Variants in WDPCP observed in about 807,000 individuals in gnomAD.
WDPCP encodes WD repeat-containing and planar cell polarity effector protein fritz homolog.
Under a neutral mutation model 93.1 loss-of-function variants are expected in WDPCP, and 71 were observed. That is an observed-to-expected ratio of 0.76 (90% confidence interval 0.63 to 0.93). The LOEUF is 0.93. Ranked by LOEUF, WDPCP falls within the 40% of genes least tolerant of loss-of-function variation. WDPCP has a pLI of 0.00. For missense variants in WDPCP, 844 were observed against 887.4 expected (o/e 0.95, Z 0.62); for synonymous variants, 315 against 315.0 (o/e 1.00, Z 0.00).
intron 1 of WDPCP, among the ~76,000 whole-genome samples, chr2:63,587,384 G>A (rs1327557294): frequency 6.6e-6 from 1 of 152,134 alleles, no homozygotes; most frequent in Non-Finnish European, 1.5e-5. Flanking sequence ...AGAGCCAAAT[G>A]AATAAAGAGA....
intron 2 of WDPCP, among the ~76,000 whole-genome samples, chr2:63,809,433 G>A (rs1228603480): frequency 5.9e-5 from 9 of 152,148 alleles, no homozygotes; most frequent in Non-Finnish European, 4.4e-5. Flanking sequence ...CATTGAGAAC[G>A]GGCCATGATG....
intron 2 of WDPCP, among the ~76,000 whole-genome samples, chr2:63,662,038 T>A (rs1166333549): frequency 6.6e-6 from 1 of 152,180 alleles, no homozygotes; most frequent in Non-Finnish European, 1.5e-5. Flanking sequence ...CTTAAAATGA[T>A]GAAATTGGAA....
intron 9 of WDPCP, 99 bp downstream of exon 9, chr2:63,433,639 CATAAATT>C: frequency 8.4e-7 from 1 of 1,191,962 alleles, no homozygotes; most frequent in Non-Finnish European, 1.2e-6. Flanking sequence ...ATTTGAAAAA[CATAAATT>C]ATAGGTAAAA....
intron 2 of WDPCP, among the ~76,000 whole-genome samples, chr2:63,691,236 C>T (rs1274338363): frequency 6.6e-6 from 1 of 152,134 alleles, no homozygotes; most frequent in Non-Finnish European, 1.5e-5. Context: ...GGATCTGAAA[C>T]ATCAGGATGT....
rs980176783 is a variant in WDPCP at position 63,267,393 on chromosome 2, G to A, written c.1813-7984C>T. Among the ~76,000 whole-genome samples the A allele has an allele frequency of 7.2e-5, 11 of 152,122 alleles. 1 individual carries two copies. In the South Asian group the frequency reaches 1.9e-3, roughly 26 times the overall value. Reference sequence around the variant, plus strand: ...TTAAGCACAAGACTTGAAACTTGAGGAGGAGGGAAAAACTCCTCAACATTT... The same window carrying A: ...TTAAGCACAAGACTTGAAACTTGAGAAGGAGGGAAAAACTCCTCAACATTT... On this transcript the variant is annotated intron_variant, in intron 13 of 17. Coordinates refer to ENST00000272321, the MANE Select transcript of WDPCP (RefSeq NM_015910.7).
intron 14 of WDPCP, among the ~76,000 whole-genome samples, chr2:63,177,961 TTG>T: frequency 6.6e-6 from 1 of 152,144 alleles, no homozygotes; most frequent in East Asian, 1.9e-4. Context: ...AAATGCTTTT[TTG>T]TGTGTGTATC....
intron 12 of WDPCP, among the ~76,000 whole-genome samples, chr2:63,327,918 T>C (rs1687683148): frequency 6.6e-6 from 1 of 152,184 alleles, no homozygotes. Context: ...GCCCTTCCAC[T>C]GGCCTAAAGA....
chr2:63,414,472 TACACACAC>T (rs146569752), intron 9 of WDPCP, among the ~76,000 whole-genome samples: 3 of 148,890 alleles, frequency 2.0e-5, no homozygotes, highest in Non-Finnish European at 4.5e-5. Flanking sequence ...CACACACATA[TACACACAC>T]ACACACACAC....
At chr2:63,250,375 G>A (rs1680616309) in intron 14 of WDPCP, among the ~76,000 whole-genome samples, 1 of 152,082 alleles carries the variant, frequency 6.6e-6, no homozygotes, top group Non-Finnish European at 1.5e-5. Context: ...TTTATTTCTG[G>A]AATTTTCCAT....
At chr2:63,262,825 G>A (rs770390348) in intron 13 of WDPCP, among the ~76,000 whole-genome samples, 7 of 152,164 alleles carry the variant, frequency 4.6e-5, no homozygotes, top group Non-Finnish European at 1.0e-4. Context: ...GTTTTACTCT[G>A]CCCAGGCTAG....
chr2:63,328,013 A>C (rs1437356942), intron 12 of WDPCP, among the ~76,000 whole-genome samples: 1 of 152,138 alleles, frequency 6.6e-6, no homozygotes, highest in Non-Finnish European at 1.5e-5. Flanking sequence ...CATCGGCCAA[A>C]TTCCCAACAG....
chr2:63,142,057 C>T lies in WDPCP; in HGVS notation c.2190+10857G>A, dbSNP rs6722945. Among the ~76,000 whole-genome samples the T allele has an allele frequency of 5.0e-3, 755 of 152,186 alleles. 11 individuals are homozygous for T. The highest frequency in any genetic ancestry group is 0.017 in the African/African-American group (724 of 41,536). ...TTGGTTAATCTTGCTAATGATCTAT[C>T]AGTTTTATTTATCTTTTCAAAGAAC... is the stretch of plus-strand genomic sequence containing the variant. On this transcript the variant is annotated intron_variant, in intron 17 of 17. Coordinates refer to ENST00000272321, the MANE Select transcript of WDPCP (RefSeq NM_015910.7).
At chr2:63,523,355 G>T (rs1703083622) in intron 1 of WDPCP, among the ~76,000 whole-genome samples, 1 of 152,150 alleles carries the variant, frequency 6.6e-6, no homozygotes, top group Non-Finnish European at 1.5e-5. Context: ...GCATCATACT[G>T]AATGGGCAAA....
chr2:63,331,279 G>A (rs1459636564), intron 12 of WDPCP, among the ~76,000 whole-genome samples: 1 of 152,158 alleles, frequency 6.6e-6, no homozygotes, highest in Non-Finnish European at 1.5e-5. Flanking sequence ...CACTGCACCA[G>A]TGTTCTTTTG....
intron 17 of WDPCP, among the ~76,000 whole-genome samples, chr2:63,143,339 C>T (rs1297815508): frequency 6.6e-6 from 1 of 152,152 alleles, no homozygotes; most frequent in Non-Finnish European, 1.5e-5. Flanking sequence ...CTTCTGAAGG[C>T]AGCAGAGAGT....
At chr2:63,835,911 G>A in the WDPCP span, among the ~76,000 whole-genome samples, 1 of 152,150 alleles carries the variant, frequency 6.6e-6, no homozygotes, top group East Asian at 1.9e-4. Context: ...CTGGAGTGCA[G>A]TGGCGTGACC....
intron 6 of WDPCP, among the ~76,000 whole-genome samples, chr2:63,450,496 C>A (rs1401187917): frequency 2.0e-5 from 3 of 152,148 alleles, no homozygotes; most frequent in Admixed American, 2.0e-4. Flanking sequence ...CCCACCACTG[C>A]CACTACTAAC....
At chr2:63,310,178 A>C (rs749496101) in intron 13 of WDPCP, among the ~76,000 whole-genome samples, 2 of 152,200 alleles carry the variant, frequency 1.3e-5, no homozygotes, top group Non-Finnish European at 2.9e-5. Context: ...TTTGATACTT[A>C]AAGCACACTA....
At chr2:63,747,842 T>C (rs563501184) in intron 2 of WDPCP, among the ~76,000 whole-genome samples, 8 of 152,130 alleles carry the variant, frequency 5.3e-5, no homozygotes, top group African/African-American at 1.7e-4. Flanking sequence ...TGAGATTGCA[T>C]TGATTCTGTA....
Sources: allele counts gnomAD v4.1 joint callset (sites outside exome capture counted in the v4.1 genomes callset), GRCh38; gene constraint gnomAD v4.1.1; transcripts MANE v1.5; gene names NCBI Gene and HGNC (gene_info 2026-07-23, HGNC 2026-07-21).